PHACTR1: variants seen among roughly 807,000 people sequenced by gnomAD.
PHACTR1 encodes RPEL repeat containing 1.
In PHACTR1, 16 loss-of-function variants were observed where a neutral mutation model predicts 69.2. The ratio of observed to expected loss-of-function variants is 0.23; its 90% CI spans 0.16 to 0.35. The LOEUF (loss-of-function observed/expected upper bound fraction) is 0.35, where lower values mean the gene tolerates loss of function less well. Ranked by LOEUF, PHACTR1 falls within the 10% of genes least tolerant of loss-of-function variation. The pLI is 1.00. For synonymous variants in PHACTR1, 312 were observed against 284.5 expected (o/e 1.10, Z -0.97); for missense variants, 510 against 734.7 (o/e 0.69, Z 3.54).
At chr6:12,896,550 A>G (rs1784688662) in intron 4 of PHACTR1, among the ~76,000 whole-genome samples, 1 of 152,154 alleles carries the variant, frequency 6.6e-6, no homozygotes, top group Non-Finnish European at 1.5e-5. Context: ...TTCACAGGGG[A>G]TTGAAATGCC....
intron 4 of PHACTR1, among the ~76,000 whole-genome samples, chr6:12,941,696 G>A (rs903374371): frequency 1.3e-5 from 2 of 152,124 alleles, no homozygotes; most frequent in Non-Finnish European, 2.9e-5. Flanking sequence ...CGTCAGGACA[G>A]GCGAGCCTCG....
At chr6:13,018,571 C>T (rs1016209558) in intron 4 of PHACTR1, among the ~76,000 whole-genome samples, 1 of 152,158 alleles carries the variant, frequency 6.6e-6, no homozygotes, top group African/African-American at 2.4e-5. Context: ...CCCTGCTATA[C>T]TGTGCTGCTC....
At chr6:12,935,496 G>A (rs896305061) in intron 4 of PHACTR1, among the ~76,000 whole-genome samples, 2 of 152,008 alleles carry the variant, frequency 1.3e-5, no homozygotes, top group South Asian at 2.1e-4. Context: ...TGCCTGCCTC[G>A]GCCTCCCAAA....
Position 13,235,372 on chromosome 6 carries a change from A to C in PHACTR1, c.1391+5179A>C, listed in dbSNP as rs146958339. On this transcript the variant is annotated intron_variant, in intron 10 of 14. Transcript: ENST00000332995. ...ATTCCCACCAGAGTAATGTTCCCTC[A>C]TGACTCCATTTTGTTTATTTGAAAT... is the stretch of plus-strand genomic sequence containing the variant. Among the ~76,000 whole-genome samples, 457 of 152,302 alleles carry C rather than the reference A, an allele frequency of 3.0e-3. 2 individuals are homozygous for C. The highest frequency in any genetic ancestry group is 4.8e-3 in the Non-Finnish European group (328 of 68,034).
intron 5 of PHACTR1, among the ~76,000 whole-genome samples, chr6:13,130,516 G>A (rs943596172): frequency 5.3e-5 from 8 of 152,038 alleles, no homozygotes; most frequent in Non-Finnish European, 1.5e-5. Flanking sequence ...GATTATTCAA[G>A]GCTGCTGTGA....
At chr6:13,126,249 T>G (rs1819519749) in intron 5 of PHACTR1, among the ~76,000 whole-genome samples, 1 of 152,116 alleles carries the variant, frequency 6.6e-6, no homozygotes, top group Non-Finnish European at 1.5e-5. Context: ...TAAGTAACAA[T>G]AAACATCAGT....
chr6:13,056,557 TATTC>T (rs150889107), intron 5 of PHACTR1, among the ~76,000 whole-genome samples: 2,590 of 152,312 alleles, frequency 0.017, 64 homozygotes, highest in African/African-American at 0.056. Context: ...AAGGAAAAGT[TATTC>T]ATTGACACTT....
chr6:13,095,907 G>A (rs1049329874), intron 5 of PHACTR1, among the ~76,000 whole-genome samples: 4 of 151,982 alleles, frequency 2.6e-5, no homozygotes, highest in African/African-American at 4.8e-5. Context: ...CAAGTGGATA[G>A]GAACAATTGC....
Position 13,286,166 on chromosome 6 carries a change from C to A in PHACTR1, c.1671C>A (p.Leu557=). 2 of 1,607,410 alleles carry A rather than the reference C, an allele frequency of 1.2e-6. No homozygotes were observed. Among genetic ancestry groups the A allele is most frequent in the Non-Finnish European group, 8.5e-7 (1 of 1,177,176 alleles). The part of the protein sequence containing the change: ...AADKAAIRKE[L]NEFKSTEMEV... ...TCCAGGCTGCCATCCGAAAGGAGCT[C>A]AATGAATTCAAAAGCACTGAGATGG... The change falls in exon 14 of 15, where the codon CTC becomes CTA. Residue 557 remains leucine (L), a synonymous_variant. Coordinates refer to ENST00000332995, the MANE Select transcript of PHACTR1 (RefSeq NM_030948.6).
intron 3 of PHACTR1, among the ~76,000 whole-genome samples, chr6:12,723,382 T>C (rs1264530684): frequency 6.6e-6 from 1 of 152,132 alleles, no homozygotes; most frequent in Non-Finnish European, 1.5e-5. Context: ...AATCAGAATC[T>C]GCATTTTAAC....
At chr6:12,935,064 A>T (rs1184927134) in intron 4 of PHACTR1, among the ~76,000 whole-genome samples, 1 of 152,160 alleles carries the variant, frequency 6.6e-6, no homozygotes, top group Non-Finnish European at 1.5e-5. Context: ...GGTTGCTGTG[A>T]GGATTAAATG....
chr6:13,004,025 G>A (rs1335828525), intron 4 of PHACTR1, among the ~76,000 whole-genome samples: 1 of 135,384 alleles, frequency 7.4e-6, no homozygotes, highest in Non-Finnish European at 1.6e-5. Flanking sequence ...ATCTGTTGAT[G>A]AACATTTAGG....
At position 12,757,218 on chromosome 6, in the gene PHACTR1, G is replaced by T. The variant is rs150896392; in HGVS notation, c.250+7428G>T. On this transcript the variant is annotated intron_variant, in intron 4 of 14. Coordinates refer to ENST00000332995, the MANE Select transcript of PHACTR1 (RefSeq NM_030948.6). ...GTAAAAGAATGAACAATGCCCATATGGGGTGGGGAGCAGAGTGAGAGAGAG... is the reference window on the plus strand; with the variant it reads ...GTAAAAGAATGAACAATGCCCATATTGGGTGGGGAGCAGAGTGAGAGAGAG... Among the ~76,000 whole-genome samples, 14 of 152,262 alleles carry T rather than the reference G, an allele frequency of 9.2e-5. No homozygotes were observed. In the East Asian group the frequency reaches 2.5e-3, roughly 27 times the overall value.
intron 4 of PHACTR1, among the ~76,000 whole-genome samples, chr6:12,819,524 T>C (rs1212142693): frequency 3.9e-5 from 6 of 152,136 alleles, no homozygotes; most frequent in African/African-American, 1.4e-4. Flanking sequence ...GCACCTCTTA[T>C]TAGTTGTGAA....
At chr6:13,050,255 C>A (rs184049854) in intron 4 of PHACTR1, among the ~76,000 whole-genome samples, 1 of 152,168 alleles carries the variant, frequency 6.6e-6, no homozygotes, top group Non-Finnish European at 1.5e-5. Context: ...TATTCCTTGT[C>A]GTAGCTGTGT....
chr6:13,140,478 A>G (rs1822270685), intron 5 of PHACTR1, among the ~76,000 whole-genome samples: 1 of 152,218 alleles, frequency 6.6e-6, no homozygotes, highest in South Asian at 2.1e-4. Context: ...ATTCTGACAC[A>G]TTGTATAGCA....
intron 3 of PHACTR1, among the ~76,000 whole-genome samples, chr6:12,730,834 A>G (rs957025958): frequency 7.2e-5 from 11 of 152,086 alleles, no homozygotes; most frequent in African/African-American, 2.7e-4. Context: ...GCTCCCACTT[A>G]TAAGTGAGAA....
At chr6:12,718,556 G>A (rs1265715527) in intron 2 of PHACTR1, 143 bp from the exon 3 acceptor site, 2 of 348,576 alleles carry the variant, frequency 5.7e-6, no homozygotes, top group Non-Finnish European at 1.0e-5. Context: ...CTATGCTGGG[G>A]GGTGGCTTTA....
chr6:13,256,030 A>G (rs1340339058), intron 10 of PHACTR1, among the ~76,000 whole-genome samples: 4 of 152,258 alleles, frequency 2.6e-5, no homozygotes, highest in African/African-American at 9.6e-5. Flanking sequence ...CTGCCCCTGC[A>G]GCAGGCTTCT....
Sources: allele counts gnomAD v4.1 joint callset (sites outside exome capture counted in the v4.1 genomes callset), GRCh38; gene constraint gnomAD v4.1.1; transcripts MANE v1.5; gene names NCBI Gene and HGNC (gene_info 2026-07-23, HGNC 2026-07-21).